The following MYRIP variants were observed in gnomAD, a reference collection of about 807,000 sequenced individuals.
MYRIP encodes rab effector MyRIP.
In MYRIP, 49 loss-of-function variants were observed where a neutral mutation model predicts 98.0. The observed-to-expected ratio is 0.50, with a 90% confidence interval of 0.40 to 0.63. The LOEUF (loss-of-function observed/expected upper bound fraction) is 0.63. MYRIP is among the 30% of genes least tolerant of loss of function. The pLI, the probability that MYRIP is intolerant of heterozygous loss-of-function variation, is 0.00. For missense variants in MYRIP, 1,004 were observed against 1,058.2 expected, an observed-to-expected ratio of 0.95 and a Z score of 0.71; for synonymous variants, 404 against 409.5, an observed-to-expected ratio of 0.99 and a Z score of 0.16.
chr3:39,905,305 C>A (rs996774920), intron 2 of MYRIP, among the ~76,000 whole-genome samples: 2 of 152,168 alleles, frequency 1.3e-5, no homozygotes, highest in African/African-American at 2.4e-5. Flanking sequence ...CTGGCATGAC[C>A]TTCATAAATC....
At chr3:39,866,394 A>T (rs1559501473) in intron 1 of MYRIP, among the ~76,000 whole-genome samples, 1 of 152,216 alleles carries the variant, frequency 6.6e-6, no homozygotes, top group East Asian at 1.9e-4. Flanking sequence ...TGACATACAA[A>T]AATCAGTTAC....
intron 3 of MYRIP, among the ~76,000 whole-genome samples, chr3:40,084,606 T>TA (rs1948569506): frequency 6.9e-6 from 1 of 144,908 alleles, no homozygotes; most frequent in African/African-American, 2.5e-5. Context: ...CTATGTATTA[T>TA]CTATCGATAG....
Position 40,160,736 on chromosome 3 carries a change from G to C in MYRIP, c.470-1994G>C, listed in dbSNP as rs190072347. On this transcript the variant is annotated intron_variant, in intron 4 of 16. Transcript: ENST00000302541. ...AGCCTGTCGGAAAAGCGCAGTATTC[G>C]GGTGGGAGTGACCCGATTTTCCAGG... 1.1e-4 allele frequency among the ~76,000 whole-genome samples: 16 copies of C among 152,296 alleles called. No homozygotes were observed. The South Asian group carries it at 2.1e-3, about 20-fold the overall frequency.
intron 2 of MYRIP, among the ~76,000 whole-genome samples, chr3:40,010,466 T>G (rs996156742): frequency 6.6e-6 from 1 of 152,188 alleles, no homozygotes; most frequent in Non-Finnish European, 1.5e-5. Context: ...CCTACAGGCC[T>G]GTGAAATGAG....
intron 4 of MYRIP, among the ~76,000 whole-genome samples, chr3:40,152,448 G>C (rs1054340855): frequency 1.3e-5 from 2 of 152,188 alleles, no homozygotes; most frequent in South Asian, 2.1e-4. Context: ...CTGTAGAATA[G>C]AGCAGAATTT....
chr3:39,993,622 C>T (rs957348799), intron 2 of MYRIP, among the ~76,000 whole-genome samples: 3 of 152,244 alleles, frequency 2.0e-5, no homozygotes, highest in African/African-American at 7.2e-5. Flanking sequence ...TCATCCTTGT[C>T]ACCTCCTCAC....
chr3:40,158,012 C>G (rs997267580), intron 4 of MYRIP, among the ~76,000 whole-genome samples: 1 of 151,974 alleles, frequency 6.6e-6, no homozygotes, highest in East Asian at 1.9e-4. Context: ...CTGCTCTGAT[C>G]TTAGTTATTT....
At chr3:40,115,808 T>TA (rs1949262363) in intron 3 of MYRIP, among the ~76,000 whole-genome samples, 1 of 151,960 alleles carries the variant, frequency 6.6e-6, no homozygotes, top group African/African-American at 2.4e-5. Flanking sequence ...TTTTTTTTTT[T>TA]ATGTGATGCT....
At chr3:39,865,193 A>G (rs1942584719) in intron 1 of MYRIP, among the ~76,000 whole-genome samples, 1 of 152,174 alleles carries the variant, frequency 6.6e-6, no homozygotes, top group Non-Finnish European at 1.5e-5. Context: ...TGAAAACTAT[A>G]AAAACCTTAG....
intron 2 of MYRIP, among the ~76,000 whole-genome samples, chr3:39,948,604 A>C (rs894160811): frequency 6.6e-6 from 1 of 152,154 alleles, no homozygotes; most frequent in South Asian, 2.1e-4. Context: ...AATTTTTAAA[A>C]ATCTAGAATT....
chr3:40,059,183 T>C (rs527590956), intron 3 of MYRIP, among the ~76,000 whole-genome samples: 27 of 152,318 alleles, frequency 1.8e-4, no homozygotes, highest in Admixed American at 1.1e-3. Flanking sequence ...AGTCTATTAT[T>C]GATAGGTATT....
At chr3:39,844,053 T>C (rs949894907) in intron 1 of MYRIP, among the ~76,000 whole-genome samples, 2 of 152,204 alleles carry the variant, frequency 1.3e-5, no homozygotes, top group Admixed American at 1.3e-4. Context: ...GAGAGCTTCC[T>C]CTGCAGAGAG....
chr3:40,135,123 TA>T (rs1320817056), intron 3 of MYRIP, among the ~76,000 whole-genome samples: 3 of 152,086 alleles, frequency 2.0e-5, no homozygotes, highest in African/African-American at 7.2e-5. Flanking sequence ...GCAAAGAAGT[TA>T]AAAACTTTGA....
At chr3:39,826,309 A>G (rs6788356) in intron 1 of MYRIP, among the ~76,000 whole-genome samples, 2,453 of 151,972 alleles carry the variant, frequency 0.016, 58 homozygotes, top group African/African-American at 0.056. Flanking sequence ...ATTGCTATGA[A>G]CTTGAGTCTT....
At chr3:40,198,428 G>C (rs925959775) in intron 10 of MYRIP, among the ~76,000 whole-genome samples, 1 of 152,198 alleles carries the variant, frequency 6.6e-6, no homozygotes, top group African/African-American at 2.4e-5. Flanking sequence ...AAAAGGTAGA[G>C]AGTGAATGGA....
At chr3:39,844,532 G>T (rs1453057986) in intron 1 of MYRIP, among the ~76,000 whole-genome samples, 2 of 152,184 alleles carry the variant, frequency 1.3e-5, no homozygotes, top group Non-Finnish European at 2.9e-5. Context: ...CTGAATGCCT[G>T]GCCATGCAAC....
intron 2 of MYRIP, among the ~76,000 whole-genome samples, chr3:39,922,774 C>T (rs1198633823): frequency 6.6e-6 from 1 of 152,098 alleles, no homozygotes; most frequent in Non-Finnish European, 1.5e-5. Context: ...GAACATAATA[C>T]AATAGTATAC....
intron 1 of MYRIP, among the ~76,000 whole-genome samples, chr3:39,843,986 G>A (rs979419453): frequency 6.6e-6 from 1 of 152,180 alleles, no homozygotes; most frequent in African/African-American, 2.4e-5. Context: ...CATTGAACAA[G>A]CACTGGGGAA....
rs569036037 is a variant in MYRIP at position 39,937,851 on chromosome 3, T to C, written c.110+36925T>C. ...CTCCACTGATATATACTATGTATGA[T>C]AGGTATATGCTTTTGTGGAGGAAAA... is the stretch of plus-strand genomic sequence containing the variant. On this transcript the variant is annotated intron_variant, in intron 2 of 16. Coordinates refer to ENST00000302541, the MANE Select transcript of MYRIP (RefSeq NM_015460.4). Among the ~76,000 whole-genome samples, 128 of 152,310 alleles carry C rather than the reference T, an allele frequency of 8.4e-4. 1 individual carries two copies. The highest frequency in any genetic ancestry group is 3.0e-3 in the African/African-American group (124 of 41,566).
Sources: allele counts gnomAD v4.1 joint callset (sites outside exome capture counted in the v4.1 genomes callset), GRCh38; gene constraint gnomAD v4.1.1; transcripts MANE v1.5; gene names NCBI Gene and HGNC (gene_info 2026-07-23, HGNC 2026-07-21).